CFAP77: variants seen among roughly 807,000 people sequenced by gnomAD.
CFAP77 encodes the protein cilia- and flagella-associated protein 77.
A neutral mutation model predicts 31.1 loss-of-function variants in CFAP77; 25 were observed. That is an observed-to-expected ratio of 0.80 (90% CI 0.59 to 1.12). The LOEUF is 1.12. Among genes scored for constraint, CFAP77 ranks in the 50% most tolerant of loss-of-function variants. CFAP77 has a pLI of 0.00. For missense variants in CFAP77, 377 were observed against 397.3 expected, an observed-to-expected ratio of 0.95 and a Z score of 0.44; for synonymous variants, 151 against 159.9, an observed-to-expected ratio of 0.94 and a Z score of 0.42.
chr9:132,443,743 G>A (rs1850658388), intron 1 of CFAP77, among the ~76,000 whole-genome samples: 1 of 152,142 alleles, frequency 6.6e-6, no homozygotes, highest in Admixed American at 6.5e-5. Flanking sequence ...GAAGGAGAAC[G>A]CTATGGTCTG....
At chr9:132,452,024 G>A (rs1483920845) in intron 1 of CFAP77, among the ~76,000 whole-genome samples, 5 of 151,866 alleles carry the variant, frequency 3.3e-5, no homozygotes, top group African/African-American at 9.7e-5. Flanking sequence ...GGGTGGTCTC[G>A]ATCTCCTTGA....
At chr9:132,512,713 G>A (rs996988782) in intron 3 of CFAP77, among the ~76,000 whole-genome samples, 4 of 152,182 alleles carry the variant, frequency 2.6e-5, no homozygotes, top group African/African-American at 7.2e-5. Flanking sequence ...TTGGGAGGCC[G>A]AGGCGGGCAG....
chr9:132,523,891 G>C (rs879768542), intron 3 of CFAP77, among the ~76,000 whole-genome samples: 1 of 152,094 alleles, frequency 6.6e-6, no homozygotes, highest in African/African-American at 2.4e-5. Context: ...TTTCTGCCCC[G>C]CCACCCCCAC....
intron 3 of CFAP77, among the ~76,000 whole-genome samples, chr9:132,502,951 C>A (rs1485437299): frequency 1.3e-5 from 2 of 152,174 alleles, no homozygotes; most frequent in African/African-American, 4.8e-5. Context: ...GGGAAAGAAC[C>A]CTGAGGATTG....
intron 3 of CFAP77, among the ~76,000 whole-genome samples, chr9:132,520,939 C>A (rs541771330): frequency 6.6e-6 from 1 of 152,236 alleles, no homozygotes; most frequent in African/African-American, 2.4e-5. Context: ...CTGGGCAGAC[C>A]CTTTCAGTAT....
intron 5 of CFAP77, among the ~76,000 whole-genome samples, chr9:132,549,418 C>A (rs190875433): frequency 3.9e-5 from 6 of 152,086 alleles, no homozygotes; most frequent in African/African-American, 1.4e-4. Flanking sequence ...GTGTCACATG[C>A]GGAAATAGGG....
chr9:132,540,951 CTTG>C (rs1256145301), intron 4 of CFAP77, among the ~76,000 whole-genome samples: 4 of 152,198 alleles, frequency 2.6e-5, no homozygotes, highest in South Asian at 2.1e-4. Context: ...TCAGAAAACA[CTTG>C]TTGTACCAAC....
At chr9:132,447,645 C>T (rs767434233) in intron 1 of CFAP77, among the ~76,000 whole-genome samples, 28 of 152,226 alleles carry the variant, frequency 1.8e-4, no homozygotes, top group Admixed American at 1.8e-3. Context: ...GCCGTGTGTT[C>T]GGACCTAACA....
chr9:132,452,348 T>C lies in CFAP77; in HGVS notation c.195+41882T>C, dbSNP rs545225475. ...ACATTCTTACAGCAGCCAGGTGGCG[T>C]TGGTTTGGGCACTGATGTTATAAAT... On this transcript the variant is annotated intron_variant, in intron 1 of 5. Coordinates refer to ENST00000393216, the MANE Select transcript of CFAP77 (RefSeq NM_001282957.2). Among the ~76,000 whole-genome samples, 16 of 152,252 alleles carry C rather than the reference T, an allele frequency of 1.1e-4. No homozygotes were observed. The South Asian group carries it at 2.3e-3, about 22-fold the overall frequency.
Position 132,498,639 on chromosome 9 carries a change from T to C in CFAP77, c.196-56T>C. The stretch of plus-strand genomic sequence containing the variant: ...GTGCCTCCCTGCTGCCGGATTACAA[T>C]ACATTTGGTCTGAGACTCCACTCCT... On this transcript the variant is annotated intron_variant, in intron 1 of 5. Coordinates refer to ENST00000393216, the MANE Select transcript of CFAP77 (RefSeq NM_001282957.2). The surrounding 1 kb of genome is among the most constrained non-coding windows in gnomAD (Gnocchi z 4.2). 1 of 1,335,262 alleles carries C rather than the reference T, an allele frequency of 7.5e-7. No homozygotes were observed. Among genetic ancestry groups the C allele is most frequent in the Non-Finnish European group, 1.1e-6 (1 of 943,790 alleles). The allele number at this position is 1,335,262 out of a possible 1,614,324, so 82.7% of individuals were successfully genotyped here.
At chr9:132,486,936 G>T (rs552064404) in intron 1 of CFAP77, among the ~76,000 whole-genome samples, 15 of 152,384 alleles carry the variant, frequency 9.8e-5, no homozygotes, top group Non-Finnish European at 1.9e-4. Flanking sequence ...CAGGCAGCCG[G>T]AAGGGAGGCC....
chr9:132,566,257 G>A (rs958865403), intron 5 of CFAP77, among the ~76,000 whole-genome samples: 1 of 152,208 alleles, frequency 6.6e-6, no homozygotes, highest in African/African-American at 2.4e-5. Context: ...TTTAATAAGA[G>A]GCAATGGAGC....
chr9:132,443,821 C>A (rs1023895239), intron 1 of CFAP77, among the ~76,000 whole-genome samples: 1 of 152,226 alleles, frequency 6.6e-6, no homozygotes, highest in African/African-American at 2.4e-5. Context: ...CTTCTGGCCA[C>A]GCTTGAATAG....
chr9:132,466,612 G>A (rs1005588622), intron 1 of CFAP77, among the ~76,000 whole-genome samples: 20 of 152,326 alleles, frequency 1.3e-4, no homozygotes, highest in African/African-American at 4.3e-4. Flanking sequence ...AGACTGGATC[G>A]GTGTGGGGAC....
chr9:132,423,204 G>A (rs550277597), intron 1 of CFAP77, among the ~76,000 whole-genome samples: 2 of 152,354 alleles, frequency 1.3e-5, no homozygotes, highest in South Asian at 2.1e-4. Flanking sequence ...GAAAGCGCCT[G>A]TTGGGCGAAC....
At chr9:132,537,934 G>A (rs193138740) in intron 4 of CFAP77, among the ~76,000 whole-genome samples, 6 of 152,208 alleles carry the variant, frequency 3.9e-5, no homozygotes, top group African/African-American at 1.2e-4. Flanking sequence ...AGATGGGTCC[G>A]GGCCATCAGT....
intron 1 of CFAP77, among the ~76,000 whole-genome samples, chr9:132,461,435 T>G (rs1213829986): frequency 6.6e-6 from 1 of 152,226 alleles, no homozygotes. Context: ...TTGCATCTGC[T>G]TCAGCGGCCT....
At position 132,537,568 on chromosome 9, in the gene CFAP77, GC is replaced by G. The variant is rs765355201; in HGVS notation, c.525-31del. 7 of 1,550,656 alleles carry G rather than the reference GC, an allele frequency of 4.5e-6. No homozygotes were observed. The Admixed American group carries it at 1.2e-4, about 28-fold the overall frequency. ...AGCGGGTGCCTCTGGTCTTTCCGGG[GC>G]CTCAAGCTCTGTCTGGACTTCTTCC... is the stretch of plus-strand genomic sequence containing the variant. On this transcript the variant is annotated intron_variant, in intron 3 of 5. Coordinates refer to ENST00000393216, the MANE Select transcript of CFAP77 (RefSeq NM_001282957.2).
chr9:132,424,420 T>A lies in CFAP77; in HGVS notation c.195+13954T>A, dbSNP rs577804536. On this transcript the variant is annotated intron_variant, in intron 1 of 5. Transcript: ENST00000393216. The surrounding 1 kb of genome is among the most constrained non-coding windows in gnomAD (Gnocchi z 4.1). ...CCATCTCAAAACAAAAAAAAAAGAG[T>A]TAGGAAGAGGGAGCAGCCCTGGCCT... is the stretch of plus-strand genomic sequence containing the variant. Among the ~76,000 whole-genome samples, 1 of 146,106 alleles carries A rather than the reference T, an allele frequency of 6.8e-6. No homozygotes were observed. The highest frequency in any genetic ancestry group is 2.5e-5 in the African/African-American group (1 of 39,928).
Sources: gnomAD v4.1 joint callset for allele counts (sites outside exome capture counted in the v4.1 genomes callset) on GRCh38, gnomAD v4.1.1 for gene constraint, Gnocchi (gnomAD v3.1) non-coding constraint, MANE v1.5 for transcripts, NCBI Gene and HGNC (gene_info 2026-07-23, HGNC 2026-07-21) for gene names.